Variants in TET1 observed in about 807,000 individuals in gnomAD.
TET1 encodes the protein methylcytosine dioxygenase TET1.
A neutral mutation model predicts 148.7 loss-of-function variants in TET1; 13 were observed. The observed-to-expected ratio is 0.09, with a 90% confidence interval of 0.06 to 0.14. The LOEUF (loss-of-function observed/expected upper bound fraction) is 0.14. Among genes scored for constraint, TET1 ranks in the 10% least tolerant of loss-of-function variants. TET1 has a pLI of 1.00. For synonymous variants in TET1, 907 were observed against 937.2 expected (o/e 0.97, Z 0.59); for missense variants, 2,182 against 2,553.8 (o/e 0.85, Z 3.14).
chr10:68,574,141 C>G lies in TET1; in HGVS notation c.1803C>G (p.Thr601=). 3 of 1,613,900 alleles carry G rather than the reference C, an allele frequency of 1.9e-6. No homozygotes were observed. The highest frequency in any genetic ancestry group is 2.5e-6 in the Non-Finnish European group (3 of 1,180,018). The change falls in exon 2 of 12, where the codon ACC becomes ACG. Residue 601 remains threonine, a synonymous_variant. Coordinates refer to ENST00000373644, the MANE Select transcript of TET1 (RefSeq NM_030625.3). ...CGVCEPCQQK[T]NCGECTYCKN... ...TCTGTGAACCCTGCCAGCAGAAGAC[C>G]AACTGTGGTGAATGCACTTACTGCA...
At chr10:68,588,333 C>G (rs1454381912) in intron 2 of TET1, among the ~76,000 whole-genome samples, 2 of 152,184 alleles carry the variant, frequency 1.3e-5, no homozygotes, top group Non-Finnish European at 2.9e-5. Context: ...CTCACATGCT[C>G]ATTGTCTCAT....
At position 68,572,265 on chromosome 10, in the gene TET1, C is replaced by T; in HGVS notation, c.-74C>T. 2 of 1,336,950 alleles carry T rather than the reference C, an allele frequency of 1.5e-6. No individual in the cohort carries two copies. Among genetic ancestry groups the T allele is most frequent in the Non-Finnish European group, 2.0e-6 (2 of 987,060 alleles). The allele number at this position is 1,336,950 out of a possible 1,614,324, so 82.8% of individuals were successfully genotyped here. A position where few individuals can be genotyped will look rare whatever the true frequency, so the allele number is the denominator to read the frequency against. On this transcript the variant is annotated 5_prime_UTR_variant, in exon 2 of 12. Transcript: ENST00000373644. Reference sequence around the variant, plus strand: ...TGAAGAGCAGTGCATCCAGATTCTCCTCAGAAGTGAGACTTTCCAAAGGAC... The same window carrying T: ...TGAAGAGCAGTGCATCCAGATTCTCTTCAGAAGTGAGACTTTCCAAAGGAC...
intron 3 of TET1, among the ~76,000 whole-genome samples, chr10:68,624,664 C>CTT (rs1564975145): frequency 1.1e-5 from 1 of 87,260 alleles, no homozygotes; most frequent in Non-Finnish European, 2.4e-5. Flanking sequence ...TTCTTTCTCT[C>CTT]TCTCTCTCTC....
At chr10:68,676,657 T>A (rs1036698634) in intron 8 of TET1, among the ~76,000 whole-genome samples, 23 of 151,600 alleles carry the variant, frequency 1.5e-4, no homozygotes, top group Admixed American at 4.6e-4. Flanking sequence ...TCAGATGATC[T>A]GCCCTCCTCC....
intron 8 of TET1, among the ~76,000 whole-genome samples, chr10:68,675,795 A>T (rs767010592): frequency 6.6e-6 from 1 of 152,116 alleles, no homozygotes; most frequent in Non-Finnish European, 1.5e-5. Flanking sequence ...CCCAAGATCA[A>T]TGACAGTCCC....
chr10:68,580,767 A>G (rs1275482424), intron 2 of TET1, among the ~76,000 whole-genome samples: 1 of 136,348 alleles, frequency 7.3e-6, no homozygotes, highest in Non-Finnish European at 1.6e-5. Flanking sequence ...GGGCAACAAG[A>G]GCGAAACTCC....
chr10:68,644,244 C>G (rs1394711276), intron 3 of TET1, among the ~76,000 whole-genome samples: 2 of 152,136 alleles, frequency 1.3e-5, no homozygotes, highest in East Asian at 3.8e-4. Flanking sequence ...CTTTGTCACC[C>G]AGGCTGGAGT....
In TET1 at chr10:68,652,508, CA is replaced by C; in HGVS notation, c.4380del (p.Gly1461GlufsTer4). ...ACTGTGTTTTATACTCAGGTATGGT[CA>C]AAAAGGAAACGCAATAAGGATAGAA... ...VREIMENRYG[Q>X]KGNAIRIEIV... is the part of the protein sequence containing the mutation. On this transcript the variant is annotated frameshift_variant, in exon 6 of 12. Coordinates refer to ENST00000373644, the MANE Select transcript of TET1 (RefSeq NM_030625.3). LOFTEE classifies it high-confidence loss of function. 6.2e-7 allele frequency: 1 copy of C among 1,608,506 alleles called. No homozygotes were observed. Among genetic ancestry groups the C allele is most frequent in the Non-Finnish European group, 8.5e-7 (1 of 1,177,304 alleles).
Position 68,608,971 on chromosome 10 carries a change from A to T in TET1, c.1968+7937A>T, listed in dbSNP as rs1205429886. ...CTCCAAAAGTGTTGGAATTACAGGC[A>T]TGAGCAACCTTTCCTGGCCCATAGT... On this transcript the variant is annotated intron_variant, in intron 3 of 11. Transcript: ENST00000373644. 2.6e-5 allele frequency among the ~76,000 whole-genome samples: 4 copies of T among 152,158 alleles called. No individual in the cohort carries two copies. In the East Asian group the frequency reaches 7.8e-4, roughly 30 times the overall value.
At chr10:68,672,099 G>A (rs1002336831) in intron 7 of TET1, among the ~76,000 whole-genome samples, 9 of 151,924 alleles carry the variant, frequency 5.9e-5, no homozygotes, top group African/African-American at 1.2e-4. Flanking sequence ...AATTATATCC[G>A]TCTCATTTTA....
At position 68,573,913 on chromosome 10, in the gene TET1, T is replaced by C; in HGVS notation, c.1575T>C (p.His525=). ...TAGCCCCTGAGAGAGGACTCTTCCA[T>C]GCTTCACTGGGTATAGCCCAACTCT... The part of the protein sequence containing the change: ...FPLAPERGLF[H]ASLGIAQLSQ... The change falls in exon 2 of 12, where the codon CAT becomes CAC. Residue 525 remains histidine (H), a synonymous_variant. Transcript: ENST00000373644. 1 of 1,614,192 alleles carries C rather than the reference T, an allele frequency of 6.2e-7. No homozygotes were observed. The highest frequency in any genetic ancestry group is 8.5e-7 in the Non-Finnish European group (1 of 1,180,038).
At chr10:68,662,373 TA>T (rs1428885209) in intron 6 of TET1, among the ~76,000 whole-genome samples, 1 of 152,190 alleles carries the variant, frequency 6.6e-6, no homozygotes, top group African/African-American at 2.4e-5. Flanking sequence ...TTTGTCATTG[TA>T]CATCTAAGGT....
intron 6 of TET1, among the ~76,000 whole-genome samples, chr10:68,664,064 G>T (rs1314947605): frequency 6.6e-6 from 1 of 151,994 alleles, no homozygotes; most frequent in African/African-American, 2.4e-5. Flanking sequence ...CAGTGTTGCA[G>T]TCTTGGCTCG....
At chr10:68,592,629 G>T (rs2053931927) in intron 2 of TET1, among the ~76,000 whole-genome samples, 1 of 152,004 alleles carries the variant, frequency 6.6e-6, no homozygotes, top group Admixed American at 6.6e-5. Flanking sequence ...AACCACACTG[G>T]AATGTTACCT....
At chr10:68,662,439 T>C (rs896102495) in intron 6 of TET1, among the ~76,000 whole-genome samples, 14 of 152,194 alleles carry the variant, frequency 9.2e-5, no homozygotes, top group Admixed American at 2.0e-4. Context: ...TGGATGTCTT[T>C]ACTTATTATT....
intron 3 of TET1, among the ~76,000 whole-genome samples, chr10:68,639,005 G>A (rs1206784338): frequency 2.0e-5 from 3 of 152,012 alleles, no homozygotes; most frequent in East Asian, 3.8e-4. Flanking sequence ...GCTTCAGGGT[G>A]GGTAGGATGG....
Position 68,645,462 on chromosome 10 carries a change from A to C in TET1, c.2733A>C (p.Ser911=). Residue 911 remains serine (S), a synonymous_variant, in exon 4 of 12, where the codon TCA becomes TCC. Transcript: ENST00000373644. The part of the protein sequence containing the change: ...SEAPSENSSP[S]KSEKDEESEQ... ...CCCCATCAGAGAATTCCTCCCCATC[A>C]AAGTCAGAGAAGGATGAGGAATCAG... 1.2e-6 allele frequency: 2 copies of C among 1,613,918 alleles called. No individual in the cohort carries two copies. Among genetic ancestry groups the C allele is most frequent in the Non-Finnish European group, 8.5e-7 (1 of 1,180,042 alleles).
chr10:68,649,235 CAGA>C (rs1276380660), intron 4 of TET1, among the ~76,000 whole-genome samples: 5 of 152,208 alleles, frequency 3.3e-5, no homozygotes, highest in Admixed American at 2.6e-4. Flanking sequence ...AACTGGGACT[CAGA>C]GACAGCAGTC....
At chr10:68,672,403 G>A (rs556493649) in intron 7 of TET1, among the ~76,000 whole-genome samples, 3 of 127,614 alleles carry the variant, frequency 2.4e-5, no homozygotes, top group East Asian at 2.8e-4. Context: ...CAGCAGAATC[G>A]ATTGAACTTG....
Sources: allele counts gnomAD v4.1 joint callset (sites outside exome capture counted in the v4.1 genomes callset), GRCh38; gene constraint gnomAD v4.1.1; transcripts MANE v1.5; gene names NCBI Gene and HGNC (gene_info 2026-07-23, HGNC 2026-07-21).